The following LMAN1 variants were observed in gnomAD, a reference collection of about 807,000 sequenced individuals.
The protein encoded by LMAN1 is lectin, mannose binding 1, also known as protein ERGIC-53.
In LMAN1, 32 loss-of-function variants were observed where a neutral mutation model predicts 67.8. The ratio of observed to expected loss-of-function variants is 0.47; its 90% CI spans 0.36 to 0.63. The LOEUF (loss-of-function observed/expected upper bound fraction) is 0.63, where lower values mean the gene tolerates loss of function less well. Ranked by LOEUF, LMAN1 falls within the 30% of genes least tolerant of loss-of-function variation. The pLI, the probability that LMAN1 is intolerant of heterozygous loss-of-function variation, is 0.00. For missense variants in LMAN1, 632 were observed against 628.2 expected, an observed-to-expected ratio of 1.01 and a Z score of -0.06; for synonymous variants, 235 against 219.3, an observed-to-expected ratio of 1.07 and a Z score of -0.63.
chr18:59,354,718 G>GA lies in LMAN1; in HGVS notation c.478-139dup, dbSNP rs1447748991. ...AAATAACCTGGCCTTGGCACTCAAG[G>GA]AATTACTAAAGTTCTTTAAATTGCT... On this transcript the variant is annotated intron_variant, in intron 3 of 12. Transcript: ENST00000251047. 1.1e-5 allele frequency: 6 copies of GA among 537,408 alleles called. No individual in the cohort carries two copies. The African/African-American group carries it at 1.1e-4, about 10-fold the overall frequency. 33.3% of individuals were successfully genotyped at this position (537,408 alleles called of 1,614,324 possible). A position where few individuals can be genotyped will look rare whatever the true frequency, so the allele number is the denominator to read the frequency against.
Position 59,330,972 on chromosome 18 carries a change from T to G in LMAN1, c.*121A>C. The stretch of plus-strand genomic sequence containing the variant: ...TTATTCTTAACTGCAAATCAATGTT[T>G]AAACAGTTATTTTATTAAGAAAATT... On this transcript the variant is annotated 3_prime_UTR_variant, in exon 13 of 13. Transcript: ENST00000251047. 1.4e-6 allele frequency: 1 copy of G among 715,812 alleles called. No individual in the cohort carries two copies. Among genetic ancestry groups the G allele is most frequent in the Non-Finnish European group, 2.4e-6 (1 of 412,636 alleles). 44.3% of individuals were successfully genotyped at this position (715,812 alleles called of 1,614,324 possible). A position where few individuals can be genotyped will look rare whatever the true frequency, so the allele number is the denominator to read the frequency against.
rs929309953 is a variant in LMAN1 at position 59,328,863 on chromosome 18, A to G, written c.*2230T>C. 1.3e-5 allele frequency: 2 copies of G among 152,230 alleles called. No individual in the cohort carries two copies. The highest frequency in any genetic ancestry group is 1.3e-4 in the Admixed American group (2 of 15,288). The allele number at this position is 152,230 out of a possible 1,614,324, so 9.4% of individuals were successfully genotyped here. On this transcript the variant is annotated 3_prime_UTR_variant, in exon 13 of 13. Coordinates refer to ENST00000251047, the MANE Select transcript of LMAN1 (RefSeq NM_005570.4). ...ACACAAATAGGTACATTAAATAAGG[A>G]TATAAGCCATTACGCAATTGCATTT...
chr18:59,355,744 A>C (rs978107466), intron 1 of LMAN1, 86 bp from the exon 2 acceptor site: 1 of 1,415,408 alleles, frequency 7.1e-7, no homozygotes, highest in Non-Finnish European at 9.8e-7. Flanking sequence ...ATATACCTAC[A>C]GAGACTTAGT....
chr18:59,347,540 G>A lies in LMAN1; in HGVS notation c.795C>T (p.Phe265=). The part of the protein sequence containing the change: ...DDHDVLSFLT[F]QLTEPGKEPP... ...GCTCTTTTCCAGGTTCAGTCAACTG[G>A]AAAGTCAGAAAAGAAAGGACATCAT... Residue 265 remains phenylalanine, a synonymous_variant, in exon 7 of 13, where the codon TTC becomes TTT. Coordinates refer to ENST00000251047, the MANE Select transcript of LMAN1 (RefSeq NM_005570.4). The A allele has an allele frequency of 6.2e-7, 1 of 1,609,006 alleles. No homozygotes were observed. The highest frequency in any genetic ancestry group is 8.5e-7 in the Non-Finnish European group (1 of 1,177,536).
At position 59,346,037 on chromosome 18, in the gene LMAN1, T is replaced by G. The variant is rs1284380198; in HGVS notation, c.837A>C (p.Lys279Asn). The stretch of plus-strand genomic sequence containing the variant: ...TTTCTTTTTCCTTTTCCGAAATTTC[T>G]TTATCTGGTGTGGGCTTTTTTTTGG... ...EPGKEPPTPD[K>N]EISEKEKEKY... Residue 279 changes from lysine (K) to asparagine (N), a missense_variant, in exon 8 of 13, where the codon AAA becomes AAC. Coordinates refer to ENST00000251047, the MANE Select transcript of LMAN1 (RefSeq NM_005570.4). 1 of 1,611,978 alleles carries G rather than the reference T, an allele frequency of 6.2e-7. No homozygotes were observed. Among genetic ancestry groups the G allele is most frequent in the Non-Finnish European group, 8.5e-7 (1 of 1,179,174 alleles).
chr18:59,353,360 T>G, intron 4 of LMAN1, 59 bp from the exon 5 acceptor site: 2 of 1,188,304 alleles, frequency 1.7e-6, no homozygotes, highest in Non-Finnish European at 2.5e-6. Context: ...ATTTAAAAAT[T>G]CAGGAAGACT....
intron 7 of LMAN1, among the ~76,000 whole-genome samples, chr18:59,347,282 C>T (rs1908433321): frequency 7.8e-6 from 1 of 128,188 alleles, no homozygotes; most frequent in Non-Finnish European, 1.6e-5. Flanking sequence ...TATCGCGCCA[C>T]TGCACTCCAG....
intron 5 of LMAN1, among the ~76,000 whole-genome samples, chr18:59,349,655 C>T (rs2144227110): frequency 6.6e-6 from 1 of 152,278 alleles, no homozygotes; most frequent in Middle Eastern, 3.4e-3. Context: ...ATTGTCTCAA[C>T]AAGTAGTGAG....
At chr18:59,331,179 T>G (rs762211061) in intron 12 of LMAN1, 50 bp from the exon 13 acceptor site, 33 of 1,485,450 alleles carry the variant, frequency 2.2e-5, no homozygotes, top group Non-Finnish European at 2.6e-5. Flanking sequence ...ACGCTTAACT[T>G]TGGAAAGAAA....
chr18:59,347,016 GT>G (rs1908424915), intron 7 of LMAN1, among the ~76,000 whole-genome samples: 1 of 151,836 alleles, frequency 6.6e-6, no homozygotes, highest in Non-Finnish European at 1.5e-5. Context: ...GGATCACAAG[GT>G]CAGGAGATCG....
intron 7 of LMAN1, 99 bp downstream of exon 7, chr18:59,347,414 C>A: frequency 1.7e-6 from 1 of 605,172 alleles, no homozygotes; most frequent in Non-Finnish European, 2.9e-6. Flanking sequence ...ATAGCAGTAA[C>A]TGGCAGAAAC....
chr18:59,358,389 A>G (rs1338340546), intron 1 of LMAN1, among the ~76,000 whole-genome samples: 1 of 152,234 alleles, frequency 6.6e-6, no homozygotes, highest in East Asian at 1.9e-4. Flanking sequence ...ACGAGAGAAA[A>G]GATCAAAGAC....
chr18:59,341,273 C>T (rs1396726254), intron 8 of LMAN1, among the ~76,000 whole-genome samples: 1 of 152,076 alleles, frequency 6.6e-6, no homozygotes, highest in African/African-American at 2.4e-5. Context: ...GAGAATTTAA[C>T]ACCACACACA....
At position 59,359,144 on chromosome 18, in the gene LMAN1, C is replaced by T; in HGVS notation, c.101G>A (p.Gly34Glu). 1 of 1,614,070 alleles carries T rather than the reference C, an allele frequency of 6.2e-7. No individual in the cohort carries two copies. Residue 34 changes from glycine to glutamate, a missense_variant, in exon 1 of 13, where the codon GGA becomes GAA. Coordinates refer to ENST00000251047, the MANE Select transcript of LMAN1 (RefSeq NM_005570.4). ...LGRFVRGDGV[G>E]GDPAVALPHR... Reference sequence around the variant, plus strand: ...TGGCAACGCGACCGCGGGGTCTCCTCCCACGCCGTCGCCCCGGACGAAGCG... The same window carrying T: ...TGGCAACGCGACCGCGGGGTCTCCTTCCACGCCGTCGCCCCGGACGAAGCG...
At chr18:59,350,353 CT>C (rs1908513123) in intron 5 of LMAN1, among the ~76,000 whole-genome samples, 1 of 152,104 alleles carries the variant, frequency 6.6e-6, no homozygotes, top group African/African-American at 2.4e-5. Flanking sequence ...AGTTATTTGC[CT>C]TTGAGTCTTA....
Position 59,330,253 on chromosome 18 carries a change from T to C in LMAN1, c.*840A>G, listed in dbSNP as rs1412710433. On this transcript the variant is annotated 3_prime_UTR_variant, in exon 13 of 13. Transcript: ENST00000251047. ...CTCAGATCATGCAATTTGAGCTGAA[T>C]TTACATGCTGTAGTAAAGGGAGAAA... 6.6e-6 allele frequency: 1 copy of C among 152,570 alleles called. No homozygotes were observed. Among genetic ancestry groups the C allele is most frequent in the Non-Finnish European group, 1.5e-5 (1 of 68,008 alleles). 9.5% of individuals were successfully genotyped at this position (152,570 alleles called of 1,614,324 possible).
intron 10 of LMAN1, among the ~76,000 whole-genome samples, chr18:59,338,148 CA>C (rs1269217082): frequency 6.6e-6 from 1 of 152,126 alleles, no homozygotes; most frequent in Non-Finnish European, 1.5e-5. Flanking sequence ...TTCATTCCAT[CA>C]AAAAGAATTT....
chr18:59,336,472 G>C lies in LMAN1; in HGVS notation c.1220+2085C>G, dbSNP rs41473148. ...TGTTGGACTGTAACCTATGGAATAA[G>C]TATCCATGAGTCTGAACTGATCTAA... is the stretch of plus-strand genomic sequence containing the variant. On this transcript the variant is annotated intron_variant, in intron 10 of 12. Transcript: ENST00000251047. 3.2e-3 allele frequency among the ~76,000 whole-genome samples: 492 copies of C among 152,334 alleles called. 1 individual carries two copies. Among genetic ancestry groups the C allele is most frequent in the African/African-American group, 0.011 (470 of 41,576 alleles).
chr18:59,357,401 G>A (rs1908683975), intron 1 of LMAN1, among the ~76,000 whole-genome samples: 1 of 152,166 alleles, frequency 6.6e-6, no homozygotes, highest in Non-Finnish European at 1.5e-5. Context: ...GAACAGGCAG[G>A]CAGTGGAGAG....
Sources: allele counts gnomAD v4.1 joint callset (sites outside exome capture counted in the v4.1 genomes callset), GRCh38; gene constraint gnomAD v4.1.1; transcripts MANE v1.5; gene names NCBI Gene and HGNC (gene_info 2026-07-23, HGNC 2026-07-21).